TMTC1: variants seen among roughly 807,000 people sequenced by gnomAD.
The protein encoded by TMTC1 is transmembrane O-mannosyltransferase targeting cadherins 1.
A neutral mutation model predicts 104.8 loss-of-function variants in TMTC1; 73 were observed. That is an observed-to-expected ratio of 0.70 (90% CI 0.58 to 0.85). The LOEUF is 0.85. TMTC1 is among the 40% of genes least tolerant of loss of function. TMTC1 has a pLI of 0.00. For missense variants in TMTC1, 1,035 were observed against 1,096.1 expected (o/e 0.94, Z 0.79); for synonymous variants, 434 against 428.7 (o/e 1.01, Z -0.15).
chr12:29,577,437 G>T (rs1249551502), intron 8 of TMTC1, among the ~76,000 whole-genome samples: 1 of 152,122 alleles, frequency 6.6e-6, no homozygotes, highest in Non-Finnish European at 1.5e-5. Flanking sequence ...CCCTTCCTCT[G>T]CTTTTAAGAG....
At chr12:29,739,135 T>G (rs7954420) in intron 5 of TMTC1, among the ~76,000 whole-genome samples, 9,030 of 152,216 alleles carry the variant, frequency 0.059, 553 homozygotes, top group African/African-American at 0.15. Flanking sequence ...CTAATTCAGA[T>G]GAGCTTGCCA....
At chr12:29,589,566 A>G in intron 7 of TMTC1, among the ~76,000 whole-genome samples, 1 of 152,178 alleles carries the variant, frequency 6.6e-6, no homozygotes, top group African/African-American at 2.4e-5. Context: ...TACTGCATTC[A>G]TGACATCTCA....
At chr12:29,722,989 T>A (rs1267533291) in intron 5 of TMTC1, among the ~76,000 whole-genome samples, 1 of 148,902 alleles carries the variant, frequency 6.7e-6, no homozygotes, top group Non-Finnish European at 1.5e-5. Flanking sequence ...TGTTGCTAAA[T>A]AAAAAAATTA....
chr12:29,552,378 C>T (rs180853448), intron 10 of TMTC1, among the ~76,000 whole-genome samples: 9 of 152,032 alleles, frequency 5.9e-5, no homozygotes, highest in African/African-American at 2.2e-4. Context: ...AATTTGAATA[C>T]ATTAGGGTTA....
chr12:29,631,886 T>C (rs1381902991), intron 6 of TMTC1, among the ~76,000 whole-genome samples: 1 of 152,222 alleles, frequency 6.6e-6, no homozygotes, highest in Non-Finnish European at 1.5e-5. Flanking sequence ...CAGCCAATGA[T>C]TTGGGCAGAG....
At chr12:29,697,190 T>C (rs1391593486) in intron 5 of TMTC1, among the ~76,000 whole-genome samples, 1 of 152,246 alleles carries the variant, frequency 6.6e-6, no homozygotes, top group Non-Finnish European at 1.5e-5. Flanking sequence ...AGACCTAGTC[T>C]GAATACAGGT....
chr12:29,778,020 A>T (rs1451020872), intron 1 of TMTC1, among the ~76,000 whole-genome samples: 1 of 152,208 alleles, frequency 6.6e-6, no homozygotes, highest in Non-Finnish European at 1.5e-5. Context: ...AAAGATGCAA[A>T]CTACTGCAAA....
intron 2 of TMTC1, among the ~76,000 whole-genome samples, chr12:29,767,292 C>T (rs1180528038): frequency 6.6e-6 from 1 of 152,184 alleles, no homozygotes; most frequent in African/African-American, 2.4e-5. Flanking sequence ...CACACAATAA[C>T]TACCCTTCCT....
intron 10 of TMTC1, among the ~76,000 whole-genome samples, chr12:29,555,084 A>G (rs1298997566): frequency 7.1e-6 from 1 of 141,406 alleles, no homozygotes; most frequent in African/African-American, 2.6e-5. Context: ...TTGATTTTAT[A>G]TTTCACTGCT....
chr12:29,524,475 C>T (rs1944278594), intron 11 of TMTC1, among the ~76,000 whole-genome samples: 1 of 152,118 alleles, frequency 6.6e-6, no homozygotes, highest in Admixed American at 6.5e-5. Flanking sequence ...CCAGCACAAC[C>T]TTAGCAAGAG....
intron 5 of TMTC1, among the ~76,000 whole-genome samples, chr12:29,683,254 A>G (rs1373986054): frequency 6.6e-6 from 1 of 152,218 alleles, no homozygotes; most frequent in African/African-American, 2.4e-5. Context: ...TTTAGGATTC[A>G]ATCACGAGGT....
At chr12:29,603,033 C>A (rs1174128458) in intron 7 of TMTC1, among the ~76,000 whole-genome samples, 1 of 152,162 alleles carries the variant, frequency 6.6e-6, no homozygotes, top group Non-Finnish European at 1.5e-5. Flanking sequence ...TATTGGCAAG[C>A]CTTCACAAGA....
chr12:29,582,350 G>T (rs1015713100), intron 8 of TMTC1, among the ~76,000 whole-genome samples: 2 of 152,180 alleles, frequency 1.3e-5, no homozygotes, highest in Non-Finnish European at 2.9e-5. Context: ...ACCCCAAGGG[G>T]CTCTGCCTGC....
intron 10 of TMTC1, among the ~76,000 whole-genome samples, chr12:29,553,119 A>G (rs972737316): frequency 1.3e-5 from 2 of 152,206 alleles, no homozygotes; most frequent in African/African-American, 4.8e-5. Flanking sequence ...GCCATTAAAC[A>G]GTCTAATATT....
At chr12:29,592,489 T>C (rs929323677) in intron 7 of TMTC1, among the ~76,000 whole-genome samples, 4 of 152,200 alleles carry the variant, frequency 2.6e-5, no homozygotes, top group African/African-American at 9.7e-5. Flanking sequence ...TCTTCTGTTG[T>C]TTTCCAGCAT....
intron 5 of TMTC1, among the ~76,000 whole-genome samples, chr12:29,731,716 G>T (rs951683179): frequency 6.6e-6 from 1 of 152,138 alleles, no homozygotes; most frequent in Non-Finnish European, 1.5e-5. Context: ...GAAATGCTGC[G>T]ATACAGCTAT....
At position 29,750,062 on chromosome 12, in the gene TMTC1, T is replaced by TACACACAC. The variant is rs34859060; in HGVS notation, c.938+1596_938+1603dup. ...AAAGAAATGTTATCATAACTGTCTA[T>TACACACAC]ACACACACACACACACACACACACA... is the stretch of plus-strand genomic sequence containing the variant. On this transcript the variant is annotated intron_variant, in intron 5 of 17. Coordinates refer to ENST00000539277, the MANE Select transcript of TMTC1 (RefSeq NM_001193451.2). 0.021 allele frequency among the ~76,000 whole-genome samples: 3,049 copies of TACACACAC among 146,616 alleles called. 189 individuals carry two copies. In the East Asian group the frequency reaches 0.26, roughly 12 times the overall value.
intron 11 of TMTC1, among the ~76,000 whole-genome samples, chr12:29,530,312 T>C (rs187269088): frequency 6.2e-4 from 95 of 152,230 alleles, no homozygotes; most frequent in Admixed American, 1.6e-3. Context: ...GAACAGAAAC[T>C]AGCACTTTTG....
At chr12:29,652,371 G>A (rs1939561961) in intron 5 of TMTC1, among the ~76,000 whole-genome samples, 1 of 152,206 alleles carries the variant, frequency 6.6e-6, no homozygotes, top group Admixed American at 6.5e-5. Context: ...TGCATTTCAA[G>A]CCTATCACTG....
Sources: gnomAD v4.1 joint callset for allele counts (sites outside exome capture counted in the v4.1 genomes callset) on GRCh38, gnomAD v4.1.1 for gene constraint, MANE v1.5 for transcripts, NCBI Gene and HGNC (gene_info 2026-07-23, HGNC 2026-07-21) for gene names.